GALNT10: variants seen among roughly 807,000 people sequenced by gnomAD.
GALNT10 encodes the protein GalNAc transferase 10.
GALNT10 carries 41 observed loss-of-function variants against 75.0 expected under a neutral mutation model. That is an observed-to-expected ratio of 0.55 (90% CI 0.43 to 0.71). The LOEUF (loss-of-function observed/expected upper bound fraction) is 0.71. Among genes scored for constraint, GALNT10 ranks in the 30% least tolerant of loss-of-function variants. The pLI is 0.00. For synonymous variants in GALNT10, 302 were observed against 313.0 expected (o/e 0.96, Z 0.37); for missense variants, 727 against 818.5 (o/e 0.89, Z 1.36).
intron 1 of GALNT10, among the ~76,000 whole-genome samples, chr5:154,215,309 C>A (rs1011395121): frequency 6.6e-6 from 1 of 152,060 alleles, no homozygotes; most frequent in Non-Finnish European, 1.5e-5. Context: ...AGTGAAACCC[C>A]GTCTCTACTA....
intron 4 of GALNT10, among the ~76,000 whole-genome samples, chr5:154,355,520 G>A (rs535350915): frequency 8.1e-4 from 124 of 152,372 alleles, no homozygotes; most frequent in Non-Finnish European, 1.5e-3. Flanking sequence ...GCCAGGGCCA[G>A]GTCCAGCGGG....
chr5:154,245,289 A>G (rs533959821), intron 1 of GALNT10, among the ~76,000 whole-genome samples: 2 of 152,336 alleles, frequency 1.3e-5, no homozygotes, highest in African/African-American at 4.8e-5. Flanking sequence ...CCAGTCGGAT[A>G]CGGGGAGGTG....
At chr5:154,238,438 A>G (rs1045378143) in intron 1 of GALNT10, among the ~76,000 whole-genome samples, 1 of 152,144 alleles carries the variant, frequency 6.6e-6, no homozygotes, top group East Asian at 1.9e-4. Context: ...TAATATGCAG[A>G]TTGAATTAAT....
intron 6 of GALNT10, 81 bp downstream of exon 6, chr5:154,380,712 T>C: frequency 1.1e-6 from 1 of 937,318 alleles, no homozygotes; most frequent in Non-Finnish European, 1.6e-6. Context: ...GATCGCCATC[T>C]CCCTTAAAAG....
chr5:154,379,475 G>A (rs1021446801), intron 5 of GALNT10, among the ~76,000 whole-genome samples: 4 of 152,230 alleles, frequency 2.6e-5, no homozygotes, highest in African/African-American at 7.2e-5. Context: ...GCCCTACCAG[G>A]CTCCCATTTC....
intron 1 of GALNT10, among the ~76,000 whole-genome samples, chr5:154,262,700 G>C (rs1753717026): frequency 6.6e-6 from 1 of 152,136 alleles, no homozygotes; most frequent in Admixed American, 6.6e-5. Flanking sequence ...GCACTAAGCT[G>C]GGCTCCATTT....
chr5:154,207,076 A>G (rs952280799), intron 1 of GALNT10, among the ~76,000 whole-genome samples: 10 of 152,256 alleles, frequency 6.6e-5, no homozygotes, highest in African/African-American at 2.2e-4. Context: ...TGCCAGGCAC[A>G]GTGTTAAGCA....
intron 2 of GALNT10, among the ~76,000 whole-genome samples, chr5:154,295,574 G>A (rs1012493851): frequency 6.6e-6 from 1 of 152,168 alleles, no homozygotes; most frequent in African/African-American, 2.4e-5. Context: ...AATTAGTCTT[G>A]GGAGCAGTTC....
chr5:154,301,568 T>G (rs1166540225), intron 3 of GALNT10, among the ~76,000 whole-genome samples: 1 of 151,254 alleles, frequency 6.6e-6, no homozygotes, highest in Non-Finnish European at 1.5e-5. Context: ...TTTTGTTTTT[T>G]TTTTTTTTTG....
chr5:154,297,590 CG>C (rs1754299437), intron 2 of GALNT10, among the ~76,000 whole-genome samples: 1 of 152,128 alleles, frequency 6.6e-6, no homozygotes. Flanking sequence ...GACTGGTCTG[CG>C]AGGGCAGGGG....
chr5:154,254,848 A>G lies in GALNT10; in HGVS notation c.160-39968A>G, dbSNP rs572305795. Among the ~76,000 whole-genome samples the G allele has an allele frequency of 1.2e-3, 177 of 152,332 alleles. 1 individual carries two copies. The highest frequency in any genetic ancestry group is 3.4e-3 in the Middle Eastern group (1 of 294). ...TTAAGACAACAAGAAGTTCAGGGGC[A>G]GGTAATTTAGCAGCTCAATAATGTC... On this transcript the variant is annotated intron_variant, in intron 1 of 11. Coordinates refer to ENST00000297107, the MANE Select transcript of GALNT10 (RefSeq NM_198321.4).
At chr5:154,233,774 A>G (rs1044903403) in intron 1 of GALNT10, among the ~76,000 whole-genome samples, 1 of 152,154 alleles carries the variant, frequency 6.6e-6, no homozygotes, top group African/African-American at 2.4e-5. Flanking sequence ...CCTTCATAGC[A>G]CCTACAGTCT....
At chr5:154,281,595 G>A (rs1464145628) in intron 1 of GALNT10, among the ~76,000 whole-genome samples, 1 of 152,192 alleles carries the variant, frequency 6.6e-6, no homozygotes, top group African/African-American at 2.4e-5. Flanking sequence ...GGAAACTGAA[G>A]CCTGTGTCTT....
At chr5:154,230,968 GC>G (rs1453855746) in intron 1 of GALNT10, among the ~76,000 whole-genome samples, 1 of 152,198 alleles carries the variant, frequency 6.6e-6, no homozygotes, top group East Asian at 1.9e-4. Flanking sequence ...CACAGAGATG[GC>G]AAGGCATACA....
At chr5:154,335,872 T>G (rs979280340) in intron 4 of GALNT10, among the ~76,000 whole-genome samples, 1 of 152,214 alleles carries the variant, frequency 6.6e-6, no homozygotes, top group Non-Finnish European at 1.5e-5. Context: ...CACTCTGGTG[T>G]TGTACATTCT....
At chr5:154,311,439 C>T (rs996209898) in intron 3 of GALNT10, among the ~76,000 whole-genome samples, 1 of 152,170 alleles carries the variant, frequency 6.6e-6, no homozygotes, top group African/African-American at 2.4e-5. Flanking sequence ...CTCCATTTTA[C>T]AGATGCACAA....
At chr5:154,371,561 TGTACAC>T (rs1025150878) in intron 4 of GALNT10, among the ~76,000 whole-genome samples, 1 of 51,508 alleles carries the variant, frequency 1.9e-5, no homozygotes, top group South Asian at 4.7e-4. Flanking sequence ...TGTGTGTGTG[TGTACAC>T]ACACACACAC....
At chr5:154,369,270 C>T (rs1458335229) in intron 4 of GALNT10, among the ~76,000 whole-genome samples, 2 of 152,122 alleles carry the variant, frequency 1.3e-5, no homozygotes, top group Non-Finnish European at 2.9e-5. Flanking sequence ...GGTCTGTAAT[C>T]CCAGCTACTC....
chr5:154,313,165 C>T (rs914003096), intron 3 of GALNT10, among the ~76,000 whole-genome samples: 1 of 151,884 alleles, frequency 6.6e-6, no homozygotes, highest in Non-Finnish European at 1.5e-5. Flanking sequence ...AAAAATTAGC[C>T]GGGCGTGATG....
Sources: allele counts gnomAD v4.1 joint callset (sites outside exome capture counted in the v4.1 genomes callset), GRCh38; gene constraint gnomAD v4.1.1; transcripts MANE v1.5; gene names NCBI Gene and HGNC (gene_info 2026-07-23, HGNC 2026-07-21).